Variants in PAK3 observed in about 807,000 individuals in gnomAD.
PAK3 encodes the protein p21 (RAC1) activated kinase 3.
A neutral mutation model predicts 41.0 loss-of-function variants in PAK3; 4 were observed. The ratio of observed to expected loss-of-function variants is 0.10; its 90% CI spans 0.05 to 0.22. PAK3 has a LOEUF of 0.22. PAK3 is among the 10% of genes least tolerant of loss of function. PAK3 has a pLI of 1.00. For synonymous variants in PAK3, 146 were observed against 139.6 expected, an observed-to-expected ratio of 1.05 and a Z score of -0.32; for missense variants, 205 against 409.9, an observed-to-expected ratio of 0.50 and a Z score of 4.32.
At chrX:111,171,025 G>A (rs746059199) in intron 10 of PAK3, among the ~76,000 whole-genome samples, 43 of 110,655 alleles carry the variant, frequency 3.9e-4, no homozygotes, top group Non-Finnish European at 7.6e-4. Flanking sequence ...AGTCTGTCCA[G>A]GACAGACTCA....
chrX:111,164,821 C>T (rs1884553), intron 10 of PAK3, among the ~76,000 whole-genome samples: 16,868 of 111,113 alleles, frequency 0.15, 2,652 homozygotes, highest in African/African-American at 0.48. Context: ...TTGGAAAATA[C>T]GATTTAATAG....
chrX:111,195,393 C>T (rs2094603222), intron 14 of PAK3, among the ~76,000 whole-genome samples: 1 of 111,966 alleles, frequency 8.9e-6, no homozygotes, highest in African/African-American at 3.2e-5. Flanking sequence ...GGAGTGGTTC[C>T]CAAACCTGGC....
chrX:110,964,447 G>A (rs753312383), intron 1 of PAK3, among the ~76,000 whole-genome samples: 50 of 112,211 alleles, frequency 4.5e-4, no homozygotes, highest in African/African-American at 1.4e-3. Flanking sequence ...TGATGTAGCA[G>A]GTCCATGGAC....
intron 1 of PAK3, among the ~76,000 whole-genome samples, chrX:111,025,200 G>A (rs2092251575): frequency 9.0e-6 from 1 of 110,814 alleles, no homozygotes; most frequent in Admixed American, 9.7e-5. Context: ...CAAAAAGTCT[G>A]AAAGAGCACA....
At chrX:111,149,266 G>A (rs776859249) in intron 7 of PAK3, among the ~76,000 whole-genome samples, 13 of 111,673 alleles carry the variant, frequency 1.2e-4, no homozygotes, top group Non-Finnish European at 2.5e-4. Flanking sequence ...CCTCCCTCCC[G>A]GCTGCTTTCA....
chrX:110,989,495 T>C (rs1434983100), intron 1 of PAK3, among the ~76,000 whole-genome samples: 1 of 111,979 alleles, frequency 8.9e-6, no homozygotes, highest in Non-Finnish European at 1.9e-5. Flanking sequence ...TGTAAAATCT[T>C]GTAATTTTTC....
chrX:111,025,607 C>G (rs2092258035), intron 1 of PAK3, among the ~76,000 whole-genome samples: 1 of 110,350 alleles, frequency 9.1e-6, no homozygotes. Flanking sequence ...ACAGAATCTC[C>G]AAACAGATCA....
chrX:111,010,024 C>T (rs1175313634), intron 1 of PAK3, among the ~76,000 whole-genome samples: 1 of 111,901 alleles, frequency 8.9e-6, no homozygotes, highest in East Asian at 2.8e-4. Flanking sequence ...CAGACAGTAG[C>T]TTCCTTCATC....
At chrX:111,208,042 G>C (rs758372584) in intron 16 of PAK3, among the ~76,000 whole-genome samples, 1 of 112,512 alleles carries the variant, frequency 8.9e-6, no homozygotes, top group African/African-American at 3.2e-5. Context: ...TGATCCGCCC[G>C]CCTCGGCTCC....
chrX:111,168,132 C>A lies in PAK3; in HGVS notation c.766+4405C>A, dbSNP rs574248876. ...ATCTTCATTATGCTAAAAGGATAAT[C>A]TTTTAATGGTGGGAGTTCACCTTAG... On this transcript the variant is annotated intron_variant, in intron 10 of 17. Coordinates refer to ENST00000372007, the MANE Select transcript of PAK3 (RefSeq NM_002578.5). 1.6e-4 allele frequency among the ~76,000 whole-genome samples: 18 copies of A among 111,736 alleles called. No homozygotes were observed. The East Asian group carries it at 4.0e-3, about 25-fold the overall frequency.
At chrX:111,019,964 G>T (rs1200165322) in intron 1 of PAK3, among the ~76,000 whole-genome samples, 1 of 111,427 alleles carries the variant, frequency 9.0e-6, no homozygotes, top group Non-Finnish European at 1.9e-5. Context: ...GTGCATTGCT[G>T]GTGGGAATGT....
Position 111,142,178 on chromosome X carries a change from A to G in PAK3, c.258A>G (p.Ala86=), listed in dbSNP as rs1182066919. 1.8e-6 allele frequency: 2 copies of G among 1,128,606 alleles called. No homozygotes were observed. The highest frequency in any genetic ancestry group is 4.4e-5 in the Admixed American group (2 of 45,702). The allele number at this position is 1,128,606 out of a possible 1,213,427, so 93.0% of individuals were successfully genotyped here. A position where few individuals can be genotyped will look rare whatever the true frequency, so the allele number is the denominator to read the frequency against. The part of the protein sequence containing the change: ...FEHTIHVGFD[A]VTGEFTGIPE... ...ATACGATTCATGTGGGGTTTGATGC[A>G]GTCACCGGGGAATTCACTGTAAGTA... The change falls in exon 6 of 18, where the codon GCA becomes GCG. Residue 86 remains alanine (A), a synonymous_variant. Transcript: ENST00000372007.
intron 1 of PAK3, among the ~76,000 whole-genome samples, chrX:110,961,023 C>T (rs1452367873): frequency 9.0e-6 from 1 of 110,944 alleles, no homozygotes; most frequent in Non-Finnish European, 1.9e-5. Context: ...CCTATTTAAC[C>T]CTATATTATA....
intron 1 of PAK3, among the ~76,000 whole-genome samples, chrX:111,011,288 C>T (rs1468920215): frequency 9.0e-6 from 1 of 111,638 alleles, no homozygotes; most frequent in African/African-American, 3.3e-5. Context: ...CTCTTACTCA[C>T]ACAAAAGCAG....
intron 5 of PAK3, among the ~76,000 whole-genome samples, chrX:111,135,269 A>G (rs1474466322): frequency 8.9e-6 from 1 of 111,863 alleles, no homozygotes; most frequent in East Asian, 2.8e-4. Flanking sequence ...TTAGGAAACA[A>G]AAGAAGAGTT....
intron 1 of PAK3, among the ~76,000 whole-genome samples, chrX:111,060,854 G>T (rs902881912): frequency 9.9e-5 from 11 of 111,468 alleles, no homozygotes; most frequent in African/African-American, 3.6e-4. Context: ...AATGTCTTGA[G>T]CAGAGTCAAA....
intron 1 of PAK3, among the ~76,000 whole-genome samples, chrX:111,055,935 T>C: frequency 9.0e-6 from 1 of 111,475 alleles, no homozygotes; most frequent in Middle Eastern, 4.6e-3. Flanking sequence ...CTCCTCCCTT[T>C]CCCTCCTCTT....
At chrX:111,118,365 T>C (rs1202143173) in intron 4 of PAK3, among the ~76,000 whole-genome samples, 1 of 111,155 alleles carries the variant, frequency 9.0e-6, no homozygotes, top group Non-Finnish European at 1.9e-5. Flanking sequence ...ATCTCGAAAA[T>C]GTATGCCTTT....
chrX:111,162,505 G>A (rs2149193699), intron 8 of PAK3, among the ~76,000 whole-genome samples: 1 of 111,634 alleles, frequency 9.0e-6, no homozygotes, highest in African/African-American at 3.3e-5. Flanking sequence ...GTAGAAAATA[G>A]TTCTTTTCAA....
Sources: gnomAD v4.1 joint callset for allele counts (sites outside exome capture counted in the v4.1 genomes callset) on GRCh38, gnomAD v4.1.1 for gene constraint, MANE v1.5 for transcripts, NCBI Gene and HGNC (gene_info 2026-07-23, HGNC 2026-07-21) for gene names.